LRBA: variants seen among roughly 807,000 people sequenced by gnomAD.
LRBA encodes LPS responsive beige-like anchor protein.
LRBA carries 176 observed loss-of-function variants against 330.0 expected under a neutral mutation model. The ratio of observed to expected loss-of-function variants is 0.53; its 90% CI spans 0.47 to 0.60. LRBA has a LOEUF of 0.60. Ranked by LOEUF, LRBA falls within the 20% of genes least tolerant of loss-of-function variation. The pLI, the probability that LRBA is intolerant of heterozygous loss-of-function variation, is 0.00. For missense variants in LRBA, 3,259 were observed against 3,444.8 expected (o/e 0.95, Z 1.35); for synonymous variants, 1,230 against 1,193.0 (o/e 1.03, Z -0.64).
At chr4:150,391,624 T>C (rs1743949870) in intron 47 of LRBA, among the ~76,000 whole-genome samples, 1 of 152,064 alleles carries the variant, frequency 6.6e-6, no homozygotes, top group Non-Finnish European at 1.5e-5. Context: ...ACTAGGTAAG[T>C]AAATTGTGTG....
At chr4:150,278,239 A>G (rs1414085959) in intron 55 of LRBA, among the ~76,000 whole-genome samples, 1 of 152,230 alleles carries the variant, frequency 6.6e-6, no homozygotes, top group Admixed American at 6.5e-5. Flanking sequence ...AATACTAGGT[A>G]GCAAACTCTT....
intron 51 of LRBA, among the ~76,000 whole-genome samples, chr4:150,313,632 C>CT (rs1168821302): frequency 2.0e-5 from 3 of 151,876 alleles, no homozygotes; most frequent in African/African-American, 7.2e-5. Context: ...TCATTCATTT[C>CT]TTTTTTATTT....
chr4:150,703,443 C>T (rs1027048061), intron 36 of LRBA, among the ~76,000 whole-genome samples: 8 of 152,140 alleles, frequency 5.3e-5, no homozygotes, highest in Non-Finnish European at 8.8e-5. Flanking sequence ...TTCATTCATT[C>T]AGCAATTCTT....
intron 49 of LRBA, among the ~76,000 whole-genome samples, chr4:150,323,166 T>C (rs1443882779): frequency 6.6e-6 from 1 of 152,050 alleles, no homozygotes; most frequent in Non-Finnish European, 1.5e-5. Flanking sequence ...AGGAATTCTG[T>C]GAAATTAGGT....
At chr4:150,459,029 C>T (rs1018472634) in intron 44 of LRBA, among the ~76,000 whole-genome samples, 7 of 151,806 alleles carry the variant, frequency 4.6e-5, no homozygotes, top group South Asian at 2.1e-4. Flanking sequence ...CAAGTGGGCT[C>T]GAAGTAGAAT....
chr4:150,967,093 T>C (rs1279895501), intron 2 of LRBA, among the ~76,000 whole-genome samples: 1 of 152,214 alleles, frequency 6.6e-6, no homozygotes, highest in Non-Finnish European at 1.5e-5. Flanking sequence ...TTGTTTTAAA[T>C]AGTAGTTAAA....
At chr4:150,764,026 TA>T (rs1171774472) in intron 34 of LRBA, among the ~76,000 whole-genome samples, 1 of 151,916 alleles carries the variant, frequency 6.6e-6, no homozygotes, top group African/African-American at 2.4e-5. Flanking sequence ...AAATTTGACA[TA>T]ATACAAGAAT....
At chr4:150,708,598 T>C (rs1299049553) in intron 36 of LRBA, among the ~76,000 whole-genome samples, 6 of 151,868 alleles carry the variant, frequency 4.0e-5, no homozygotes, top group Non-Finnish European at 7.4e-5. Flanking sequence ...CAGATCCTTA[T>C]TATGATCTCA....
intron 5 of LRBA, 40 bp downstream of exon 5, chr4:150,921,158 A>G (rs759603759): frequency 7.4e-7 from 1 of 1,348,504 alleles, no homozygotes; most frequent in Non-Finnish European, 1.1e-6. Flanking sequence ...AGCAAAGGAA[A>G]GAAGAACTGG....
At chr4:150,532,633 A>T (rs2152203533) in intron 40 of LRBA, among the ~76,000 whole-genome samples, 1 of 152,254 alleles carries the variant, frequency 6.6e-6, no homozygotes. Context: ...ATTTGTTTAC[A>T]TGCAACCTTA....
chr4:150,822,786 G>A (rs944340679), intron 30 of LRBA, among the ~76,000 whole-genome samples: 2 of 152,066 alleles, frequency 1.3e-5, no homozygotes, highest in African/African-American at 4.8e-5. Context: ...TTGAAGCCAG[G>A]CGCAGTGGCT....
At chr4:150,895,891 G>T (rs1730030154) in intron 16 of LRBA, among the ~76,000 whole-genome samples, 1 of 152,136 alleles carries the variant, frequency 6.6e-6, no homozygotes, top group Admixed American at 6.5e-5. Context: ...CTACTTTACA[G>T]TCCCACCAAC....
chr4:150,432,396 A>G (rs1750511162), intron 46 of LRBA, among the ~76,000 whole-genome samples: 1 of 140,078 alleles, frequency 7.1e-6, no homozygotes, highest in Admixed American at 7.3e-5. Flanking sequence ...GAAATATGTG[A>G]TAGCTGAATG....
chr4:150,980,959 T>C (rs556977931), intron 2 of LRBA, among the ~76,000 whole-genome samples: 2 of 150,982 alleles, frequency 1.3e-5, no homozygotes, highest in Non-Finnish European at 3.0e-5. Flanking sequence ...AAAATACTGG[T>C]GAAAAAAAGT....
intron 44 of LRBA, among the ~76,000 whole-genome samples, chr4:150,446,531 C>A (rs1292457288): frequency 6.6e-6 from 1 of 152,170 alleles, no homozygotes; most frequent in Non-Finnish European, 1.5e-5. Context: ...AGTTACATTG[C>A]AGTTGTATTC....
At chr4:150,401,919 G>T (rs532826698) in intron 47 of LRBA, among the ~76,000 whole-genome samples, 1 of 151,758 alleles carries the variant, frequency 6.6e-6, no homozygotes, top group African/African-American at 2.4e-5. Context: ...AGGAGAGAGA[G>T]GAGGAAGGGA....
chr4:150,725,664 T>C (rs1170590120), intron 36 of LRBA, among the ~76,000 whole-genome samples: 1 of 152,122 alleles, frequency 6.6e-6, no homozygotes. Flanking sequence ...TCACTGGTAA[T>C]AGTAAGCACA....
chr4:150,567,833 T>C (rs1035212583), intron 40 of LRBA, among the ~76,000 whole-genome samples: 1 of 152,214 alleles, frequency 6.6e-6, no homozygotes, highest in Non-Finnish European at 1.5e-5. Context: ...TTATTTAGCA[T>C]GTACTATTTA....
chr4:150,835,436 A>G (rs1448449950), intron 28 of LRBA, among the ~76,000 whole-genome samples: 1 of 152,194 alleles, frequency 6.6e-6, no homozygotes, highest in East Asian at 1.9e-4. Context: ...CCTATCCATG[A>G]GCATGGAATG....
Sources: gnomAD v4.1 joint callset for allele counts (sites outside exome capture counted in the v4.1 genomes callset) on GRCh38, gnomAD v4.1.1 for gene constraint, MANE v1.5 for transcripts, NCBI Gene and HGNC (gene_info 2026-07-23, HGNC 2026-07-21) for gene names.